DIAPH2: variants seen among roughly 807,000 people sequenced by gnomAD.
DIAPH2 encodes the protein protein diaphanous homolog 2.
In DIAPH2, 35 loss-of-function variants were observed where a neutral mutation model predicts 92.7. The ratio of observed to expected loss-of-function variants is 0.38; its 90% CI spans 0.29 to 0.50. DIAPH2 has a LOEUF of 0.50. DIAPH2 is among the 20% of genes least tolerant of loss of function. The pLI, the probability that DIAPH2 is intolerant of heterozygous loss-of-function variation, is 0.94. For synonymous variants in DIAPH2, 301 were observed against 280.4 expected, an observed-to-expected ratio of 1.07 and a Z score of -0.73; for missense variants, 701 against 819.5, an observed-to-expected ratio of 0.86 and a Z score of 1.77.
chrX:96,776,361 C>T (rs891716661), intron 4 of DIAPH2, among the ~76,000 whole-genome samples: 8 of 109,633 alleles, frequency 7.3e-5, no homozygotes, highest in Non-Finnish European at 1.9e-5. Flanking sequence ...CAGGTGTGCG[C>T]CACCACACCT....
chrX:96,795,448 A>G lies in DIAPH2; in HGVS notation c.447+37190A>G, dbSNP rs5990241. ...TATTTGGTTAAAGCATTTCATAAAC[A>G]TCATTTAGATCAAGTCAGTTGGTAG... On this transcript the variant is annotated intron_variant, in intron 4 of 26. Transcript: ENST00000324765. 3.3e-3 allele frequency among the ~76,000 whole-genome samples: 367 copies of G among 111,903 alleles called. 1 individual carries two copies. Among genetic ancestry groups the G allele is most frequent in the Middle Eastern group, 0.023 (5 of 216 alleles).
At chrX:97,185,512 T>C (rs1602401143) in intron 22 of DIAPH2, among the ~76,000 whole-genome samples, 2 of 49,661 alleles carry the variant, frequency 4.0e-5, no homozygotes, top group Non-Finnish European at 3.9e-5. Flanking sequence ...TATATATATA[T>C]ATATATATCT....
At chrX:97,078,295 T>A (rs2066718720) in intron 19 of DIAPH2, among the ~76,000 whole-genome samples, 3 of 111,900 alleles carry the variant, frequency 2.7e-5, no homozygotes, top group South Asian at 7.6e-4. Flanking sequence ...TACTGCAGAA[T>A]AATTTGTAAA....
At chrX:96,836,717 A>ATATATTTTTTTTTT (rs2064894108) in intron 4 of DIAPH2, among the ~76,000 whole-genome samples, 1 of 18,903 alleles carries the variant, frequency 5.3e-5, no homozygotes, top group African/African-American at 2.1e-4. Context: ...ATATATATAT[A>ATATATTTTTTTTTT]TTTTTTTTTT....
chrX:97,191,462 T>G (rs1479031071), intron 22 of DIAPH2, among the ~76,000 whole-genome samples: 1 of 112,113 alleles, frequency 8.9e-6, no homozygotes, highest in Non-Finnish European at 1.9e-5. Flanking sequence ...TCTAGTGGGA[T>G]AGATACTGAG....
chrX:96,694,918 AC>A (rs1276908187), intron 1 of DIAPH2, among the ~76,000 whole-genome samples: 1 of 91,910 alleles, frequency 1.1e-5, no homozygotes. Flanking sequence ...CTACCTCCCC[AC>A]CCCCACTTTG....
At chrX:96,900,869 A>G (rs1459222938) in intron 5 of DIAPH2, among the ~76,000 whole-genome samples, 1 of 111,787 alleles carries the variant, frequency 8.9e-6, no homozygotes, top group Non-Finnish European at 1.9e-5. Flanking sequence ...GTTAGCTAGT[A>G]TTTTGTTGGG....
chrX:97,127,247 T>A (rs1186246010), intron 21 of DIAPH2, among the ~76,000 whole-genome samples: 1 of 111,946 alleles, frequency 8.9e-6, no homozygotes, highest in African/African-American at 3.2e-5. Context: ...ATGTTCAGTA[T>A]GAGGGATCAC....
intron 19 of DIAPH2, among the ~76,000 whole-genome samples, chrX:97,084,849 T>C (rs892548908): frequency 8.1e-5 from 9 of 111,668 alleles, no homozygotes; most frequent in Non-Finnish European, 1.7e-4. Flanking sequence ...CCTTTTAATA[T>C]TTATACATAT....
intron 1 of DIAPH2, among the ~76,000 whole-genome samples, chrX:96,692,842 C>CT (rs2063805118): frequency 1.8e-5 from 2 of 112,332 alleles, no homozygotes; most frequent in Non-Finnish European, 3.8e-5. Context: ...ACCACAACAA[C>CT]TAAGTTTATG....
At chrX:96,937,771 TG>T (rs2065667288) in intron 11 of DIAPH2, among the ~76,000 whole-genome samples, 1 of 112,408 alleles carries the variant, frequency 8.9e-6, no homozygotes, top group Admixed American at 9.4e-5. Flanking sequence ...TGTCTTATTC[TG>T]TATTCAAATA....
intron 17 of DIAPH2, among the ~76,000 whole-genome samples, chrX:97,047,111 G>A (rs1216179801): frequency 9.0e-6 from 1 of 111,444 alleles, no homozygotes; most frequent in Non-Finnish European, 1.9e-5. Flanking sequence ...ACAGTCTTTA[G>A]TAAATGACAG....
At chrX:96,868,185 A>G (rs2065117648) in intron 4 of DIAPH2, among the ~76,000 whole-genome samples, 1 of 111,922 alleles carries the variant, frequency 8.9e-6, no homozygotes. Context: ...ATTTTGGTAC[A>G]TATGTGTTTT....
At chrX:97,139,444 GT>G (rs776846029) in intron 21 of DIAPH2, among the ~76,000 whole-genome samples, 63 of 100,940 alleles carry the variant, frequency 6.2e-4, no homozygotes, top group African/African-American at 1.0e-3. Flanking sequence ...GTCTCTGTGT[GT>G]TTTTTTTTTT....
At chrX:97,397,345 A>C (rs1051782802) in intron 25 of DIAPH2, among the ~76,000 whole-genome samples, 44 of 65,713 alleles carry the variant, frequency 6.7e-4, no homozygotes, top group Middle Eastern at 8.8e-3. Context: ...ACTGGAATCT[A>C]CTTTAAATGT....
chrX:97,105,686 A>G (rs1488540912), intron 20 of DIAPH2, among the ~76,000 whole-genome samples: 1 of 112,253 alleles, frequency 8.9e-6, no homozygotes, highest in Non-Finnish European at 1.9e-5. Flanking sequence ...TACTGTGTGT[A>G]TCTATTAAAC....
At chrX:97,048,547 T>G (rs1281993432) in intron 17 of DIAPH2, among the ~76,000 whole-genome samples, 1 of 111,155 alleles carries the variant, frequency 9.0e-6, no homozygotes, top group Non-Finnish European at 1.9e-5. Context: ...TTCCTTGGAA[T>G]TAATAAGCAG....
intron 4 of DIAPH2, among the ~76,000 whole-genome samples, chrX:96,814,355 G>GC (rs2064713068): frequency 8.9e-6 from 1 of 111,758 alleles, no homozygotes. Context: ...TAGTTCTTGT[G>GC]CCATGGTTTT....
At chrX:97,565,657 CTA>C (rs1279921812) in intron 26 of DIAPH2, among the ~76,000 whole-genome samples, 3 of 112,187 alleles carry the variant, frequency 2.7e-5, no homozygotes, top group African/African-American at 9.7e-5. Context: ...TTCCTCCCCA[CTA>C]TCTCATTTTG....
Sources: gnomAD v4.1 joint callset for allele counts (sites outside exome capture counted in the v4.1 genomes callset) on GRCh38, gnomAD v4.1.1 for gene constraint, MANE v1.5 for transcripts, NCBI Gene and HGNC (gene_info 2026-07-23, HGNC 2026-07-21) for gene names.